Variants in CPED1 observed in about 807,000 individuals in gnomAD.
CPED1 encodes the protein cadherin like and PC-esterase domain containing 1, also known as cadherin-like and PC-esterase domain-containing protein 1.
CPED1 carries 114 observed loss-of-function variants against 128.2 expected under a neutral mutation model. That is an observed-to-expected ratio of 0.89 (90% CI 0.76 to 1.04). CPED1 has a LOEUF of 1.04. CPED1 is among the 50% of genes least tolerant of loss of function. CPED1 has a pLI of 0.00. For synonymous variants in CPED1, 462 were observed against 426.7 expected (o/e 1.08, Z -1.02); for missense variants, 1,211 against 1,207.1 (o/e 1.00, Z -0.05).
intron 3 of CPED1, among the ~76,000 whole-genome samples, chr7:121,037,351 A>G (rs1255693284): frequency 2.6e-5 from 4 of 152,112 alleles, no homozygotes; most frequent in Non-Finnish European, 5.9e-5. Flanking sequence ...TCATTCTTCT[A>G]CATATGGCTT....
intron 16 of CPED1, among the ~76,000 whole-genome samples, chr7:121,182,204 T>TG (rs1796912394): frequency 6.6e-6 from 1 of 151,388 alleles, no homozygotes; most frequent in Non-Finnish European, 1.5e-5. Context: ...TGAGAGCTTT[T>TG]TTTTTTTTTT....
chr7:121,229,275 AT>A (rs1451316862), intron 16 of CPED1, among the ~76,000 whole-genome samples: 24 of 152,094 alleles, frequency 1.6e-4, no homozygotes, highest in Admixed American at 6.6e-5. Flanking sequence ...GAATAAAAAA[AT>A]AGACAAATGC....
intron 6 of CPED1, 114 bp downstream of exon 6, chr7:121,097,945 T>G: frequency 9.6e-7 from 1 of 1,038,202 alleles, no homozygotes; most frequent in Non-Finnish European, 1.4e-6. Context: ...TTAGTTTCTC[T>G]TACATAAATT....
At chr7:121,146,382 C>T (rs1265127665) in intron 16 of CPED1, among the ~76,000 whole-genome samples, 1 of 152,118 alleles carries the variant, frequency 6.6e-6, no homozygotes, top group East Asian at 1.9e-4. Context: ...AATACCATCA[C>T]AATGGGGATT....
At chr7:121,196,365 T>C (rs1797272645) in intron 16 of CPED1, among the ~76,000 whole-genome samples, 1 of 152,070 alleles carries the variant, frequency 6.6e-6, no homozygotes, top group South Asian at 2.1e-4. Flanking sequence ...TTGTACCTTC[T>C]GACTGCTTGC....
chr7:120,995,320 G>A (rs983017046), intron 2 of CPED1, among the ~76,000 whole-genome samples: 5 of 152,032 alleles, frequency 3.3e-5, no homozygotes, highest in Non-Finnish European at 5.9e-5. Flanking sequence ...TTCTGCTATT[G>A]GGAAGTGACT....
At chr7:121,236,001 G>A (rs1430117032) in intron 16 of CPED1, among the ~76,000 whole-genome samples, 1 of 152,102 alleles carries the variant, frequency 6.6e-6, no homozygotes, top group Admixed American at 6.6e-5. Flanking sequence ...CATGAAGTAG[G>A]ATAGAAGGAC....
At chr7:120,997,928 AAAAT>A (rs1796435297) in intron 2 of CPED1, among the ~76,000 whole-genome samples, 2 of 3,564 alleles carry the variant, frequency 5.6e-4, no homozygotes, top group Non-Finnish European at 8.6e-4. Flanking sequence ...GTCTCGAAAA[AAAAT>A]AAAATAAAAT....
At chr7:121,239,853 G>C (rs1401382044) in intron 17 of CPED1, among the ~76,000 whole-genome samples, 5 of 152,140 alleles carry the variant, frequency 3.3e-5, no homozygotes, top group African/African-American at 1.2e-4. Context: ...TCATTCCTCA[G>C]AATGTTGTTT....
At chr7:121,273,472 A>G (rs1792272163) in intron 22 of CPED1, among the ~76,000 whole-genome samples, 1 of 151,982 alleles carries the variant, frequency 6.6e-6, no homozygotes, top group African/African-American at 2.4e-5. Context: ...CAATGAGCTG[A>G]GATCACCACC....
At position 120,989,644 on chromosome 7, in the gene CPED1, C is replaced by T. The variant is rs374427830; in HGVS notation, c.23C>T (p.Pro8Leu). MVCRPVF[P>L]CRRRFCPRPF... is the part of the protein sequence containing the mutation. ...GTCATGGTCTGTCGCCCAGTGTTCC[C>T]TTGTCGTCGGCGATTTTGCCCCCGA... is the stretch of plus-strand genomic sequence containing the variant. Residue 8 changes from proline to leucine, a missense_variant, in exon 2 of 23, where the codon CCT (proline) becomes CTT (leucine). Pro to Leu is a moderately conservative substitution (Grantham distance 98, BLOSUM62 -3). Coordinates refer to ENST00000310396, the MANE Select transcript of CPED1 (RefSeq NM_024913.5). 2.5e-5 allele frequency: 41 copies of T among 1,613,922 alleles called. No individual in the cohort carries two copies. The East Asian group carries it at 5.8e-4, about 23-fold the overall frequency.
At position 121,255,690 on chromosome 7, in the gene CPED1, TA is replaced by T. The variant is rs571938806; in HGVS notation, c.2311-10535del. ...GAGAATGCCAAAAGGCTCTTAGAAC[TA>T]ATAAACAATTTTAGTGAAGTTTTAG... On this transcript the variant is annotated intron_variant, in intron 18 of 22. Transcript: ENST00000310396. Among the ~76,000 whole-genome samples, 79 of 152,162 alleles carry T rather than the reference TA, an allele frequency of 5.2e-4. No homozygotes were observed. The South Asian group carries it at 0.016, about 32-fold the overall frequency.
chr7:121,171,132 A>T (rs1450313597), intron 16 of CPED1, among the ~76,000 whole-genome samples: 1 of 152,130 alleles, frequency 6.6e-6, no homozygotes, highest in Non-Finnish European at 1.5e-5. Context: ...CCTACCAAGG[A>T]GGTTTTCTGT....
intron 5 of CPED1, among the ~76,000 whole-genome samples, chr7:121,094,996 TG>T (rs1387628175): frequency 6.6e-6 from 1 of 152,172 alleles, no homozygotes; most frequent in Non-Finnish European, 1.5e-5. Flanking sequence ...CCATTCAGTT[TG>T]CATATTATGC....
rs555699508 is a variant in CPED1, at chr7:121,179,832, G to A, written c.2055+37691G>A. ...AAGACAAAGACAAATAAATTATATTGCTTTGATAGTCTGAAGTTTTGTTAG... is the reference window on the plus strand; with the variant it reads ...AAGACAAAGACAAATAAATTATATTACTTTGATAGTCTGAAGTTTTGTTAG... On this transcript the variant is annotated intron_variant, in intron 16 of 22. Transcript: ENST00000310396. Among the ~76,000 whole-genome samples the A allele has an allele frequency of 9.9e-5, 15 of 152,082 alleles. No homozygotes were observed. The South Asian group carries it at 3.1e-3, about 32-fold the overall frequency.
At chr7:121,015,602 T>C in intron 2 of CPED1, 63 bp from the exon 3 acceptor site, 1 of 1,413,844 alleles carries the variant, frequency 7.1e-7, no homozygotes, top group East Asian at 2.4e-5. Context: ...TTTGCATTCA[T>C]GATGTCCTTC....
intron 3 of CPED1, among the ~76,000 whole-genome samples, chr7:121,043,478 T>C (rs1793111866): frequency 6.6e-6 from 1 of 152,240 alleles, no homozygotes; most frequent in African/African-American, 2.4e-5. Flanking sequence ...GCAGTTTACC[T>C]AATGTTATCT....
rs529029641 is a variant in CPED1, at chr7:120,996,286, A to G, written c.249+6416A>G. 7.9e-3 allele frequency among the ~76,000 whole-genome samples: 1,196 copies of G among 152,238 alleles called. 8 individuals are homozygous for G. The highest frequency in any genetic ancestry group is 0.027 in the Admixed American group (412 of 15,298). On this transcript the variant is annotated intron_variant, in intron 2 of 22. Coordinates refer to ENST00000310396, the MANE Select transcript of CPED1 (RefSeq NM_024913.5). ...GTGACAGAGCAAGCTCCTGTCTCAAAAAAAAAAGAAAAGGGAATTATCCTT... is the reference window on the plus strand; with the variant it reads ...GTGACAGAGCAAGCTCCTGTCTCAAGAAAAAAAGAAAAGGGAATTATCCTT...
At chr7:121,120,528 A>G (rs191279421) in intron 7 of CPED1, among the ~76,000 whole-genome samples, 22 of 152,326 alleles carry the variant, frequency 1.4e-4, no homozygotes, top group Non-Finnish European at 2.8e-4. Context: ...ACATAGTAAC[A>G]TCAAGAGAAA....
Sources: allele counts gnomAD v4.1 joint callset (sites outside exome capture counted in the v4.1 genomes callset), GRCh38; gene constraint gnomAD v4.1.1; transcripts MANE v1.5; gene names NCBI Gene and HGNC (gene_info 2026-07-23, HGNC 2026-07-21).